The following EFCAB13 variants were observed in gnomAD, a reference collection of about 807,000 sequenced individuals.
The protein encoded by EFCAB13 is EF-hand calcium binding domain 13.
A neutral mutation model predicts 110.2 loss-of-function variants in EFCAB13; 91 were observed. The ratio of observed to expected loss-of-function variants is 0.83; its 90% CI spans 0.70 to 0.98. The LOEUF is 0.98. EFCAB13 is among the 50% of genes least tolerant of loss of function. The probability of loss-of-function intolerance (pLI) is 0.00; values close to 1 mark genes in which losing one functional copy is unlikely to be tolerated. For missense variants in EFCAB13, 968 were observed against 1,119.4 expected, an observed-to-expected ratio of 0.86 and a Z score of 1.93; for synonymous variants, 323 against 369.9, an observed-to-expected ratio of 0.87 and a Z score of 1.45.
chr17:47,413,147 A>G (rs1439231324), intron 22 of EFCAB13, among the ~76,000 whole-genome samples: 3 of 152,204 alleles, frequency 2.0e-5, no homozygotes, highest in Admixed American at 6.5e-5. Flanking sequence ...TTCATTACTT[A>G]TAAGCATGGG....
chr17:47,424,665 A>G (rs1279650319), intron 23 of EFCAB13, among the ~76,000 whole-genome samples: 7 of 151,994 alleles, frequency 4.6e-5, no homozygotes, highest in Non-Finnish European at 7.4e-5. Flanking sequence ...TCAGCACATT[A>G]TCACGTAAAC....
chr17:47,423,508 GCTC>G, intron 23 of EFCAB13: 1 of 257,400 alleles, frequency 3.9e-6, no homozygotes, highest in Non-Finnish European at 7.3e-6. Flanking sequence ...CGCGCAGGTG[GCTC>G]CTCCTTCGCT....
intron 14 of EFCAB13, among the ~76,000 whole-genome samples, chr17:47,384,406 AT>A (rs1441707787): frequency 1.3e-5 from 2 of 150,064 alleles, no homozygotes; most frequent in Admixed American, 6.6e-5. Context: ...TCATAGTGTG[AT>A]TGGTCTTTAT....
chr17:47,374,472 C>A lies in EFCAB13; in HGVS notation c.878C>A (p.Ser293Ter). Reference sequence around the variant, plus strand: ...ATAATTGTATATTTCTCTTATTTAGCAATTACAGAAGGATCACCTTTGAAT... The same window carrying A: ...ATAATTGTATATTTCTCTTATTTAGAAATTACAGAAGGATCACCTTTGAAT... ...NELQEQYEDV[S>*]ITEGSPLNEI... Residue 293 changes from serine (S) to a stop codon, truncating the protein, a stop_gained and splice_region_variant, in exon 12 of 25, where the codon TCA becomes TAA. Coordinates refer to ENST00000331493, the MANE Select transcript of EFCAB13 (RefSeq NM_152347.5). LOFTEE classifies it high-confidence loss of function. 1 of 1,482,186 alleles carries A rather than the reference C, an allele frequency of 6.7e-7. No homozygotes were observed. The highest frequency in any genetic ancestry group is 2.4e-5 in the East Asian group (1 of 42,290). 91.8% of individuals were successfully genotyped at this position (1,482,186 alleles called of 1,614,324 possible). A position where few individuals can be genotyped will look rare whatever the true frequency, so the allele number is the denominator to read the frequency against.
chr17:47,370,625 A>G, intron 11 of EFCAB13, 117 bp downstream of exon 11: 4 of 629,682 alleles, frequency 6.4e-6, no homozygotes, highest in East Asian at 3.0e-5. Flanking sequence ...TGAATAATTT[A>G]CCCTCTTAAA....
chr17:47,409,565 A>G, intron 20 of EFCAB13, 82 bp from the exon 21 acceptor site: 11 of 1,025,310 alleles, frequency 1.1e-5, no homozygotes, highest in Non-Finnish European at 1.4e-5. Context: ...GAAGTATTCA[A>G]TCTATCCATT....
intron 14 of EFCAB13, among the ~76,000 whole-genome samples, chr17:47,389,945 T>A (rs73985162): frequency 0.025 from 3,139 of 127,690 alleles, 115 homozygotes; most frequent in African/African-American, 0.083. Flanking sequence ...TCTTGCTGTA[T>A]GTACTATTTA....
chr17:47,404,059 G>A (rs79831966), intron 19 of EFCAB13, 38 bp downstream of exon 19: 3 of 1,467,518 alleles, frequency 2.0e-6, no homozygotes, highest in Admixed American at 2.1e-5. Context: ...TTTTTTTTTT[G>A]TAGGAGTAAA....
At chr17:47,327,836 T>C (rs981574350) in intron 3 of EFCAB13, among the ~76,000 whole-genome samples, 1 of 152,200 alleles carries the variant, frequency 6.6e-6, no homozygotes, top group Non-Finnish European at 1.5e-5. Flanking sequence ...GGAGTTAAAT[T>C]GTCTGAATTC....
intron 11 of EFCAB13, among the ~76,000 whole-genome samples, chr17:47,374,097 C>T (rs1189443247): frequency 6.6e-6 from 1 of 151,982 alleles, no homozygotes. Flanking sequence ...ATAAAATCTC[C>T]CCTTTCCTCA....
intron 10 of EFCAB13, among the ~76,000 whole-genome samples, chr17:47,367,246 A>G (rs2065552200): frequency 6.6e-6 from 1 of 152,276 alleles, no homozygotes; most frequent in Non-Finnish European, 1.5e-5. Context: ...GTTCAAACAC[A>G]TAGTACTTGC....
At position 47,398,003 on chromosome 17, in the gene EFCAB13, C is replaced by T. The variant is rs1388651541; in HGVS notation, c.1945+2026C>T. On this transcript the variant is annotated intron_variant, in intron 17 of 24. Coordinates refer to ENST00000331493, the MANE Select transcript of EFCAB13 (RefSeq NM_152347.5). The stretch of plus-strand genomic sequence containing the variant: ...CCCCCGCCCGGCCAGCCGCCCCGTC[C>T]GGGAGGGAGGTGGGGGGATCAGCCC... 5.1e-3 allele frequency among the ~76,000 whole-genome samples: 741 copies of T among 146,148 alleles called. 14 individuals carry two copies. The highest frequency in any genetic ancestry group is 3.8e-3 in the Middle Eastern group (1 of 262).
intron 9 of EFCAB13, among the ~76,000 whole-genome samples, chr17:47,358,313 C>A (rs1485580583): frequency 6.6e-6 from 1 of 151,932 alleles, no homozygotes; most frequent in African/African-American, 2.4e-5. Context: ...TCAAGAGACT[C>A]CCTAGAGAAA....
intron 11 of EFCAB13, among the ~76,000 whole-genome samples, chr17:47,371,072 T>G (rs1323504949): frequency 2.0e-5 from 3 of 150,726 alleles, no homozygotes; most frequent in South Asian, 2.1e-4. Flanking sequence ...GTTTTTTTTT[T>G]TTTTTTTTTT....
At chr17:47,379,356 A>G in intron 14 of EFCAB13, 103 bp downstream of exon 14, 2 of 855,318 alleles carry the variant, frequency 2.3e-6, no homozygotes, top group Non-Finnish European at 3.8e-6. Flanking sequence ...GATACTTAAT[A>G]GTCCTGTGAC....
At chr17:47,330,087 C>G (rs554108406) in intron 4 of EFCAB13, among the ~76,000 whole-genome samples, 9 of 151,980 alleles carry the variant, frequency 5.9e-5, no homozygotes, top group African/African-American at 2.2e-4. Flanking sequence ...CACCTTTGAT[C>G]GACTGGATGC....
intron 23 of EFCAB13, among the ~76,000 whole-genome samples, chr17:47,420,596 G>A (rs1264828953): frequency 4.0e-5 from 6 of 151,848 alleles, no homozygotes; most frequent in Admixed American, 1.3e-4. Context: ...CCTCTGCCCC[G>A]CCGCCCCATC....
chr17:47,347,676 G>C, intron 8 of EFCAB13, 132 bp from the exon 9 acceptor site: 1 of 626,818 alleles, frequency 1.6e-6, no homozygotes, highest in Non-Finnish European at 2.3e-6. Context: ...GGGTAAAAAA[G>C]AAACAAGTTT....
intron 15 of EFCAB13, among the ~76,000 whole-genome samples, chr17:47,392,742 G>T (rs1208733113): frequency 1.3e-5 from 2 of 152,128 alleles, no homozygotes; most frequent in Non-Finnish European, 2.9e-5. Flanking sequence ...ATAATTTCCA[G>T]GTGTGAGAAC....
Sources: allele counts gnomAD v4.1 joint callset (sites outside exome capture counted in the v4.1 genomes callset), GRCh38; gene constraint gnomAD v4.1.1; transcripts MANE v1.5; gene names NCBI Gene and HGNC (gene_info 2026-07-23, HGNC 2026-07-21).